Variants in TALDO1 observed in about 807,000 individuals in gnomAD.
TALDO1 encodes transaldolase 1, also known as transaldolase.
In TALDO1, 29 loss-of-function variants were observed where a neutral mutation model predicts 38.1. The ratio of observed to expected loss-of-function variants is 0.76; its 90% CI spans 0.57 to 1.04. The LOEUF (loss-of-function observed/expected upper bound fraction) is 1.04. Ranked by LOEUF, TALDO1 falls within the 50% of genes least tolerant of loss-of-function variation. TALDO1 has a pLI of 0.00. For missense variants in TALDO1, 499 were observed against 438.1 expected (o/e 1.14, Z -1.24); for synonymous variants, 207 against 176.8 (o/e 1.17, Z -1.36).
chr11:761,350 A>G (rs575044356), intron 4 of TALDO1, among the ~76,000 whole-genome samples: 1 of 151,336 alleles, frequency 6.6e-6, no homozygotes, highest in African/African-American at 2.4e-5. Context: ...AAAAAAAAAA[A>G]AAAGAAAAGA....
intron 4 of TALDO1, among the ~76,000 whole-genome samples, chr11:761,970 GT>G (rs71464115): frequency 9.3e-5 from 14 of 149,796 alleles, no homozygotes; most frequent in Admixed American, 6.0e-4. Context: ...GTGTTTTTTT[GT>G]TTTTTTTTGT....
At chr11:756,116 A>T (rs532923497) in intron 2 of TALDO1, 114 bp downstream of exon 2, 65 of 1,426,358 alleles carry the variant, frequency 4.6e-5, no homozygotes, top group Middle Eastern at 2.5e-4. Flanking sequence ...CAAGGGGGGA[A>T]AAAAACCCTA....
chr11:757,691 TTCAC>T lies in TALDO1; in HGVS notation c.222-1257_222-1254del, dbSNP rs1311465970. Among the ~76,000 whole-genome samples, 4 of 152,216 alleles carry T rather than the reference TTCAC, an allele frequency of 2.6e-5. No individual in the cohort carries two copies. The East Asian group carries it at 7.7e-4, about 29-fold the overall frequency. ...CAGATTTTGGAACAGAATCATGGAC[TTCAC>T]TGGGTGTCTGTCCAATAACTTTGAA... On this transcript the variant is annotated intron_variant, in intron 2 of 7. Transcript: ENST00000319006.
chr11:748,427 A>AT (rs33944124), intron 1 of TALDO1, among the ~76,000 whole-genome samples: 114,895 of 152,188 alleles, frequency 0.75, 44,052 homozygotes, highest in African/African-American at 0.88. Context: ...AAGAAGGATT[A>AT]TTTATTAATA....
At chr11:751,467 C>T (rs961469819) in intron 1 of TALDO1, among the ~76,000 whole-genome samples, 6 of 151,952 alleles carry the variant, frequency 3.9e-5, no homozygotes, top group African/African-American at 1.4e-4. Context: ...CCTAGCAGTT[C>T]GGGACCAGCC....
At chr11:761,285 G>A (rs1287658061) in intron 4 of TALDO1, among the ~76,000 whole-genome samples, 11 of 147,636 alleles carry the variant, frequency 7.5e-5, no homozygotes, top group African/African-American at 2.5e-4. Context: ...GCAGTGAGCC[G>A]AGATTGCACC....
At chr11:764,695 C>T in intron 7 of TALDO1, 118 bp from the exon 8 acceptor site, 3 of 1,524,282 alleles carry the variant, frequency 2.0e-6, no homozygotes, top group South Asian at 2.2e-5. Flanking sequence ...GTGGCCGTGG[C>T]CCCCACACAG....
intron 1 of TALDO1, among the ~76,000 whole-genome samples, chr11:753,579 C>T (rs956635158): frequency 2.0e-5 from 3 of 151,738 alleles, no homozygotes; most frequent in Non-Finnish European, 2.9e-5. Flanking sequence ...AAAACCATAG[C>T]CTGGCGTGGT....
At chr11:763,548 A>C in intron 5 of TALDO1, 29 bp downstream of exon 5, 1 of 1,613,066 alleles carries the variant, frequency 6.2e-7, no homozygotes, top group Non-Finnish European at 8.5e-7. Context: ...TAATGGGGTA[A>C]GGGGAGCAGC....
chr11:751,190 G>A (rs1395160404), intron 1 of TALDO1, among the ~76,000 whole-genome samples: 6 of 152,022 alleles, frequency 3.9e-5, no homozygotes, highest in Admixed American at 1.3e-4. Context: ...AGCCTCCCAA[G>A]TAGCTGGGAC....
At chr11:763,297 T>C (rs61876727) in intron 4 of TALDO1, 47 bp from the exon 5 acceptor site, 37,630 of 315,982 alleles carry the variant, frequency 0.12, 3,695 homozygotes, top group African/African-American at 0.46. Context: ...CGCCCTCACC[T>C]GTCCCCGCCC....
In TALDO1 at chr11:764,349, C is replaced by T. The variant is rs142741895; in HGVS notation, c.897C>T (p.Asn299=). ...LDEKSFRWLH[N]EDQMAVEKLS... ...AGAAGTCTTTCCGTTGGTTGCACAACGAGGACCAGATGGCTGTGGAGAAGC... is the reference window on the plus strand; with the variant it reads ...AGAAGTCTTTCCGTTGGTTGCACAATGAGGACCAGATGGCTGTGGAGAAGC... Residue 299 remains asparagine (N), a synonymous_variant, in exon 7 of 8, where the codon AAC becomes AAT. Transcript: ENST00000319006. 52 of 1,614,272 alleles carry T rather than the reference C, an allele frequency of 3.2e-5. No homozygotes were observed. The African/African-American group carries it at 5.9e-4, about 18-fold the overall frequency.
chr11:755,684 C>T, intron 1 of TALDO1, 195 bp from the exon 2 acceptor site: 1 of 711,934 alleles, frequency 1.4e-6, no homozygotes, highest in Non-Finnish European at 2.4e-6. Context: ...TTTGTTGTTC[C>T]ATCATTATGC....
chr11:753,677 T>A (rs1045211736), intron 1 of TALDO1, among the ~76,000 whole-genome samples: 1 of 152,092 alleles, frequency 6.6e-6, no homozygotes, highest in Admixed American at 6.6e-5. Flanking sequence ...TGAGCTGAGC[T>A]TGCGCCACTG....
intron 2 of TALDO1, chr11:756,219 G>C (rs1862836249): frequency 3.1e-6 from 2 of 653,042 alleles, no homozygotes; most frequent in Non-Finnish European, 5.1e-6. Context: ...TTGCCAATGT[G>C]TGTACCCTGT....
At chr11:754,942 G>A (rs1341863713) in intron 1 of TALDO1, among the ~76,000 whole-genome samples, 2 of 151,924 alleles carry the variant, frequency 1.3e-5, no homozygotes, top group African/African-American at 4.8e-5. Context: ...GGCTAATTTA[G>A]TCTTTCTATG....
intron 1 of TALDO1, among the ~76,000 whole-genome samples, chr11:749,832 A>T (rs1862721768): frequency 6.6e-6 from 1 of 152,230 alleles, no homozygotes; most frequent in Non-Finnish European, 1.5e-5. Context: ...CTGTGTTAGC[A>T]CTGTGCCAGA....
At chr11:763,644 CAG>C in intron 5 of TALDO1, 101 bp from the exon 6 acceptor site, 1 of 1,565,940 alleles carries the variant, frequency 6.4e-7, no homozygotes, top group Non-Finnish European at 8.8e-7. Flanking sequence ...GCGGGGCAGG[CAG>C]GGGTGGCGGC....
intron 5 of TALDO1, 98 bp from the exon 6 acceptor site, chr11:763,649 G>A: frequency 6.4e-7 from 1 of 1,567,700 alleles, no homozygotes; most frequent in South Asian, 1.1e-5. Flanking sequence ...GCAGGCAGGG[G>A]TGGCGGCTCA....
Sources: allele counts gnomAD v4.1 joint callset (sites outside exome capture counted in the v4.1 genomes callset), GRCh38; gene constraint gnomAD v4.1.1; transcripts MANE v1.5; gene names NCBI Gene and HGNC (gene_info 2026-07-23, HGNC 2026-07-21).